DBF4: variants seen among roughly 807,000 people sequenced by gnomAD.
DBF4 encodes protein DBF4 homolog A.
DBF4 carries 25 observed loss-of-function variants against 76.6 expected under a neutral mutation model. That is an observed-to-expected ratio of 0.33 (90% CI 0.24 to 0.46). The LOEUF is 0.46. DBF4 is among the 20% of genes least tolerant of loss of function. DBF4 has a pLI of 1.00. For missense variants in DBF4, 638 were observed against 760.8 expected, an observed-to-expected ratio of 0.84 and a Z score of 1.90; for synonymous variants, 213 against 258.0, an observed-to-expected ratio of 0.83 and a Z score of 1.67.
rs889159425 is a variant in DBF4, at chr7:87,876,604, C to G, written c.-129C>G. The G allele has an allele frequency of 1.1e-5, 11 of 1,019,374 alleles. No individual in the cohort carries two copies. Among genetic ancestry groups the G allele is most frequent in the Middle Eastern group, 3.0e-4 (1 of 3,388 alleles). The allele number at this position is 1,019,374 out of a possible 1,614,324, so 63.1% of individuals were successfully genotyped here. On this transcript the variant is annotated 5_prime_UTR_variant, in exon 1 of 12. Coordinates refer to ENST00000265728, the MANE Select transcript of DBF4 (RefSeq NM_006716.4). ...ACCTGCAGACGCGGTACCTCTACTG[C>G]GTAGAGGCCGTAGCTGGCGGAAGGA...
intron 9 of DBF4, 99 bp downstream of exon 9, chr7:87,900,448 A>T (rs1839748801): frequency 7.4e-7 from 1 of 1,353,158 alleles, no homozygotes; most frequent in Admixed American, 2.6e-5. Flanking sequence ...CATAATGGTT[A>T]TTTGTGTTTG....
intron 11 of DBF4, among the ~76,000 whole-genome samples, chr7:87,906,686 C>T (rs548055647): frequency 1.5e-4 from 23 of 152,198 alleles, no homozygotes; most frequent in Non-Finnish European, 2.8e-4. Flanking sequence ...ATTAAATATT[C>T]TTAAATGTAA....
intron 6 of DBF4, among the ~76,000 whole-genome samples, chr7:87,895,710 C>T (rs1180552196): frequency 6.6e-6 from 1 of 152,162 alleles, no homozygotes; most frequent in East Asian, 1.9e-4. Context: ...TTTCATGGAT[C>T]AATCTCCAGC....
chr7:87,900,922 A>G, intron 10 of DBF4, 44 bp downstream of exon 10: 6 of 1,466,870 alleles, frequency 4.1e-6, no homozygotes, highest in Non-Finnish European at 5.7e-6. Context: ...CGAAAACTGT[A>G]ATACTTGTGT....
At chr7:87,886,350 G>A (rs1205136260) in intron 3 of DBF4, among the ~76,000 whole-genome samples, 1 of 151,902 alleles carries the variant, frequency 6.6e-6, no homozygotes, top group Non-Finnish European at 1.5e-5. Flanking sequence ...GGCCAACATA[G>A]TGAAACCACA....
At position 87,887,320 on chromosome 7, in the gene DBF4, T is replaced by C; in HGVS notation, c.451-9T>C. 1 of 1,504,592 alleles carries C rather than the reference T, an allele frequency of 6.6e-7. No homozygotes were observed. The highest frequency in any genetic ancestry group is 9.0e-7 in the Non-Finnish European group (1 of 1,109,354). The allele number at this position is 1,504,592 out of a possible 1,614,324, so 93.2% of individuals were successfully genotyped here. A position where few individuals can be genotyped will look rare whatever the true frequency, so the allele number is the denominator to read the frequency against. ...TCCTAGAACAACCATAAAACTTTTT[T>C]TTTTACAGGATTTTATTCCTTCAAA... On this transcript the variant is annotated splice_polypyrimidine_tract_variant and intron_variant, in intron 4 of 11. Transcript: ENST00000265728.
chr7:87,907,415 T>C lies in DBF4; in HGVS notation c.1277T>C (p.Leu426Pro), dbSNP rs765467578. 8.7e-6 allele frequency: 14 copies of C among 1,614,028 alleles called. 1 individual carries two copies. In the South Asian group the frequency reaches 1.3e-4, roughly 15 times the overall value. Residue 426 changes from leucine to proline, a missense_variant, in exon 12 of 12, where the codon CTT becomes CCT. Transcript: ENST00000265728. ...IPHPSNELRG[L>P]NEKMSNKCSM... ...CACCCTTCAAATGAATTGAGAGGGC[T>C]TAATGAGAAAATGAGTAATAAATGT...
Position 87,900,356 on chromosome 7 carries a change from T to C in DBF4, c.809+7T>C, listed in dbSNP as rs764313313. ...AAACTCAGGTTAAACTAAGGTTGGT[T>C]TGAATCTTTACTTTTAGAAGGAATA... On this transcript the variant is annotated splice_region_variant and intron_variant, in intron 9 of 11. Coordinates refer to ENST00000265728, the MANE Select transcript of DBF4 (RefSeq NM_006716.4). 7.6e-6 allele frequency: 12 copies of C among 1,582,208 alleles called. No homozygotes were observed. Among genetic ancestry groups the C allele is most frequent in the Non-Finnish European group, 1.7e-6 (2 of 1,171,538 alleles).
chr7:87,892,911 A>G lies in DBF4; in HGVS notation c.598-3563A>G, dbSNP rs556377126. Among the ~76,000 whole-genome samples, 23 of 152,106 alleles carry G rather than the reference A, an allele frequency of 1.5e-4. No homozygotes were observed. In the South Asian group the frequency reaches 4.8e-3, roughly 32 times the overall value. On this transcript the variant is annotated intron_variant, in intron 6 of 11. Coordinates refer to ENST00000265728, the MANE Select transcript of DBF4 (RefSeq NM_006716.4). ...CATATAACGTGCTTTTTATTATTTT[A>G]GTTTTAAAAAATTTATCAGAGTTAC...
intron 2 of DBF4, among the ~76,000 whole-genome samples, chr7:87,884,093 G>T (rs745489054): frequency 6.6e-6 from 1 of 152,140 alleles, no homozygotes; most frequent in African/African-American, 2.4e-5. Context: ...ACTCTTAAGC[G>T]TAAAGGTTCC....
intron 4 of DBF4, 27 bp downstream of exon 4, chr7:87,886,921 T>C: frequency 1.4e-6 from 2 of 1,401,174 alleles, no homozygotes; most frequent in Non-Finnish European, 2.0e-6. Flanking sequence ...AAGATTCACA[T>C]TGTACATTTT....
chr7:87,881,712 C>G (rs560138599), intron 2 of DBF4, among the ~76,000 whole-genome samples: 68 of 152,298 alleles, frequency 4.5e-4, no homozygotes, highest in African/African-American at 1.6e-3. Context: ...ATATAACCCT[C>G]TAGGTATTCT....
intron 1 of DBF4, among the ~76,000 whole-genome samples, chr7:87,877,332 A>AT (rs1013340269): frequency 2.6e-5 from 4 of 152,124 alleles, no homozygotes; most frequent in Admixed American, 2.0e-4. Flanking sequence ...GCAAATTTCC[A>AT]TTTTCAGTCA....
rs151319515 is a variant in DBF4 at position 87,904,321 on chromosome 7, T to C, written c.954T>C (p.Phe318=). 4.7e-5 allele frequency: 76 copies of C among 1,612,610 alleles called. No homozygotes were observed. The highest frequency in any genetic ancestry group is 6.2e-5 in the Non-Finnish European group (73 of 1,179,664). ...TTCTAAGTGAGCAACACAGAAACTT[T>C]GCACAGAGTAACCAGTATCAAGTTG... ...THLLSEQHRN[F]AQSNQYQVVD... Residue 318 remains phenylalanine (F), a synonymous_variant, in exon 11 of 12, where the codon TTT becomes TTC. Coordinates refer to ENST00000265728, the MANE Select transcript of DBF4 (RefSeq NM_006716.4).
intron 3 of DBF4, 108 bp from the exon 4 acceptor site, chr7:87,886,736 A>G (rs1839365359): frequency 1.4e-6 from 1 of 697,552 alleles, no homozygotes. Context: ...CAAAAAAGAG[A>G]AACTTTTTAA....
At chr7:87,889,983 A>T (rs1255610682) in intron 6 of DBF4, among the ~76,000 whole-genome samples, 2 of 152,234 alleles carry the variant, frequency 1.3e-5, no homozygotes, top group African/African-American at 2.4e-5. Flanking sequence ...CACACTTAGC[A>T]GATTGTTTGG....
chr7:87,887,763 A>G (rs1839393411), intron 5 of DBF4, among the ~76,000 whole-genome samples: 1 of 152,056 alleles, frequency 6.6e-6, no homozygotes, highest in African/African-American at 2.4e-5. Flanking sequence ...ATAACCCATT[A>G]ATCCATGAAT....
At position 87,876,516 on chromosome 7, in the gene DBF4, C is replaced by G. The variant is rs1162657226; in HGVS notation, c.-217C>G. On this transcript the variant is annotated 5_prime_UTR_variant, in exon 1 of 12. Transcript: ENST00000265728. ...TCAAATCTTCAACCGCCGCAGCCCACTCGTTTGTGCTTTGCGCCTTCCTCC... is the reference window on the plus strand; with the variant it reads ...TCAAATCTTCAACCGCCGCAGCCCAGTCGTTTGTGCTTTGCGCCTTCCTCC... The G allele has an allele frequency of 1.8e-6, 1 of 555,954 alleles. No individual in the cohort carries two copies. The highest frequency in any genetic ancestry group is 3.2e-6 in the Non-Finnish European group (1 of 309,558). The allele number at this position is 555,954 out of a possible 1,614,324, so 34.4% of individuals were successfully genotyped here.
chr7:87,894,098 T>C (rs1004127349), intron 6 of DBF4, among the ~76,000 whole-genome samples: 8 of 152,244 alleles, frequency 5.3e-5, no homozygotes, highest in Non-Finnish European at 7.3e-5. Context: ...TATGCCATAA[T>C]GTTTAGTACA....
Sources: allele counts gnomAD v4.1 joint callset (sites outside exome capture counted in the v4.1 genomes callset), GRCh38; gene constraint gnomAD v4.1.1; transcripts MANE v1.5; gene names NCBI Gene and HGNC (gene_info 2026-07-23, HGNC 2026-07-21).